Variants in RASA3 observed in about 807,000 individuals in gnomAD.
The protein encoded by RASA3 is ras GTPase-activating protein 3.
RASA3 carries 73 observed loss-of-function variants against 110.0 expected under a neutral mutation model. That is an observed-to-expected ratio of 0.66 (90% CI 0.55 to 0.81). RASA3 has a LOEUF of 0.81. Among genes scored for constraint, RASA3 ranks in the 30% least tolerant of loss-of-function variants. The pLI is 0.00. For synonymous variants in RASA3, 500 were observed against 451.4 expected (o/e 1.11, Z -1.37); for missense variants, 976 against 1,113.2 (o/e 0.88, Z 1.75).
rs1178514160 is a variant in RASA3 at position 114,054,438 on chromosome 13, CCCAGGTGGGAGGGGCCCAGAGT to C, written c.174-2305_174-2284del. On this transcript the variant is annotated intron_variant, in intron 2 of 23. Transcript: ENST00000334062. Reference sequence around the variant, plus strand: ...GGCGGGCGACTGTTGCTGCCCGGAGCCCAGGTGGGAGGGGCCCAGAGTCCAGGTGGGAGGGGCCCAGAGTCCA... The same window carrying C: ...GGCGGGCGACTGTTGCTGCCCGGAGCCCAGGTGGGAGGGGCCCAGAGTCCA... Among the ~76,000 whole-genome samples, 96 of 151,976 alleles carry C rather than the reference CCCAGGTGGGAGGGGCCCAGAGT, an allele frequency of 6.3e-4. 1 individual carries two copies. Among genetic ancestry groups the C allele is most frequent in the Middle Eastern group, 3.4e-3 (1 of 294 alleles).
chr13:114,005,371 T>G (rs937697949), intron 18 of RASA3, among the ~76,000 whole-genome samples: 1 of 151,806 alleles, frequency 6.6e-6, no homozygotes, highest in Non-Finnish European at 1.5e-5. Context: ...GTAAGGAAGG[T>G]TGATGGGCTC....
At chr13:114,102,800 C>T (rs983131706) in intron 1 of RASA3, among the ~76,000 whole-genome samples, 5 of 152,314 alleles carry the variant, frequency 3.3e-5, no homozygotes, top group East Asian at 1.9e-4. Flanking sequence ...CTGGGGAGGG[C>T]GGCAAAGCCT....
In RASA3 at chr13:114,041,111, GAA is replaced by G. The variant is rs2054396356; in HGVS notation, c.278-19_278-18del. On this transcript the variant is annotated intron_variant, in intron 3 of 23. Coordinates refer to ENST00000334062, the MANE Select transcript of RASA3 (RefSeq NM_007368.4). The stretch of plus-strand genomic sequence containing the variant: ...CCACCTTCCCTGCAACACAAGCAGA[GAA>G]GACTTCACCACGGGCACAGGCCCCA... 6.2e-7 allele frequency: 1 copy of G among 1,611,198 alleles called. No homozygotes were observed. The highest frequency in any genetic ancestry group is 2.2e-5 in the East Asian group (1 of 44,894).
At chr13:113,989,610 C>T (rs1275350032) in intron 22 of RASA3, among the ~76,000 whole-genome samples, 1 of 150,290 alleles carries the variant, frequency 6.7e-6, no homozygotes, top group African/African-American at 2.5e-5. Flanking sequence ...ATCCTCTCAT[C>T]ACTCACCCTG....
intron 3 of RASA3, among the ~76,000 whole-genome samples, chr13:114,042,108 G>A (rs1474753331): frequency 6.6e-6 from 1 of 152,250 alleles, no homozygotes; most frequent in Non-Finnish European, 1.5e-5. Flanking sequence ...ATTCGCATCT[G>A]CAACCATTAT....
Position 114,056,065 on chromosome 13 carries a change from G to C in RASA3, c.174-3910C>G, listed in dbSNP as rs575628656. On this transcript the variant is annotated intron_variant, in intron 2 of 23. Coordinates refer to ENST00000334062, the MANE Select transcript of RASA3 (RefSeq NM_007368.4). The surrounding 1 kb of genome is among the most constrained non-coding windows in gnomAD (Gnocchi z 5.7). ...GCAACCCAGGCCTCGGGGTTCACCT[G>C]GCGCGTCACCGTTTCCCGAGAGCCC... Among the ~76,000 whole-genome samples, 3 of 152,186 alleles carry C rather than the reference G, an allele frequency of 2.0e-5. No individual in the cohort carries two copies. The highest frequency in any genetic ancestry group is 4.8e-5 in the African/African-American group (2 of 41,450).
chr13:114,018,675 C>G, intron 10 of RASA3, 88 bp downstream of exon 10: 1 of 1,495,414 alleles, frequency 6.7e-7, no homozygotes, highest in Middle Eastern at 2.1e-4. Flanking sequence ...GGAGAAGGTG[C>G]CCTCTGGGGT....
At chr13:114,012,938 T>G (rs2053672346) in intron 15 of RASA3, among the ~76,000 whole-genome samples, 1 of 109,030 alleles carries the variant, frequency 9.2e-6, no homozygotes, top group Non-Finnish European at 2.0e-5. Flanking sequence ...ACACTCCTCA[T>G]TCCACAAACA....
At position 114,096,104 on chromosome 13, in the gene RASA3, G is replaced by A. The variant is rs536247487; in HGVS notation, c.56-22267C>T. Among the ~76,000 whole-genome samples, 6 of 152,240 alleles carry A rather than the reference G, an allele frequency of 3.9e-5. No individual in the cohort carries two copies. The highest frequency in any genetic ancestry group is 5.9e-5 in the Non-Finnish European group (4 of 68,008). The stretch of plus-strand genomic sequence containing the variant: ...CTCTCCAGGTGGCCCTGGCGGCATC[G>A]GTGTGCTGGGAAGGGGGTGCTCTCT... On this transcript the variant is annotated intron_variant, in intron 1 of 23. Coordinates refer to ENST00000334062, the MANE Select transcript of RASA3 (RefSeq NM_007368.4). The surrounding 1 kb of genome is among the most constrained non-coding windows in gnomAD (Gnocchi z 5.1).
intron 2 of RASA3, among the ~76,000 whole-genome samples, chr13:114,069,473 C>G (rs1156937863): frequency 9.7e-5 from 5 of 51,738 alleles, no homozygotes; most frequent in Admixed American, 2.8e-4. Flanking sequence ...CTGGGAGACT[C>G]GGGGGCCGGG....
At chr13:114,127,087 T>C (rs1297293844) in intron 1 of RASA3, among the ~76,000 whole-genome samples, 2 of 152,242 alleles carry the variant, frequency 1.3e-5, no homozygotes, top group East Asian at 1.9e-4. Flanking sequence ...CACACGTCTA[T>C]GTTTAAAACA....
At chr13:114,078,916 A>C (rs1184093703) in intron 1 of RASA3, among the ~76,000 whole-genome samples, 5 of 152,188 alleles carry the variant, frequency 3.3e-5, no homozygotes, top group Non-Finnish European at 5.9e-5. Flanking sequence ...ACCCAGGAGG[A>C]GCTGTGAGGG....
intron 1 of RASA3, among the ~76,000 whole-genome samples, chr13:114,098,325 G>A (rs2079972144): frequency 6.6e-6 from 1 of 152,192 alleles, no homozygotes; most frequent in African/African-American, 2.4e-5. Flanking sequence ...AGGCAACAGG[G>A]ACCCAGGTGC....
intron 1 of RASA3, among the ~76,000 whole-genome samples, chr13:114,104,904 T>C (rs1176228561): frequency 8.1e-6 from 1 of 123,378 alleles, no homozygotes; most frequent in East Asian, 2.8e-4. Context: ...CCCACACACG[T>C]TCGCCCCCTC....
rs2079944707 is a variant in RASA3 at position 114,096,359 on chromosome 13, T to TGCAGGTTCCC, written c.56-22523_56-22522insGGGAACCTGC. Among the ~76,000 whole-genome samples the TGCAGGTTCCC allele has an allele frequency of 6.6e-6, 1 of 152,108 alleles. No individual in the cohort carries two copies. ...CTCTCACAGTCACCTCAACAGCATCTCAGCCGTTGTCCGACACTGGGTGAT... is the reference window on the plus strand; with the variant it reads ...CTCTCACAGTCACCTCAACAGCATCTGCAGGTTCCCCAGCCGTTGTCCGACACTGGGTGAT... On this transcript the variant is annotated intron_variant, in intron 1 of 23. Transcript: ENST00000334062. The surrounding 1 kb of genome is among the most constrained non-coding windows in gnomAD (Gnocchi z 5.1).
chr13:114,012,577 CCCCATTCCA>C (rs2053659129), intron 15 of RASA3, among the ~76,000 whole-genome samples: 1 of 146,560 alleles, frequency 6.8e-6, no homozygotes. Flanking sequence ...CACACACACT[CCCCATTCCA>C]CACACACTCC....
chr13:114,105,793 A>G (rs1269649176), intron 1 of RASA3, among the ~76,000 whole-genome samples: 1 of 152,240 alleles, frequency 6.6e-6, no homozygotes, highest in African/African-American at 2.4e-5. Flanking sequence ...ATCTTTGAAA[A>G]ATATTTTTAA....
chr13:114,038,353 G>A (rs949519607), intron 4 of RASA3, among the ~76,000 whole-genome samples: 1 of 152,264 alleles, frequency 6.6e-6, no homozygotes, highest in East Asian at 1.9e-4. Context: ...CAGCACGCTG[G>A]GGCCCTTGTG....
Position 113,981,904 on chromosome 13 carries a change from C to T in RASA3, c.2246-46G>A, listed in dbSNP as rs370322674. 4.2e-4 allele frequency: 661 copies of T among 1,568,814 alleles called. 8 individuals carry two copies. In the South Asian group the frequency reaches 5.4e-3, roughly 13 times the overall value. Reference sequence around the variant, plus strand: ...AGCGCAGGGCAGGAGCCCAGGCCACCGGCCCCGTCTCCACACAGCTGCGTC... The same window carrying T: ...AGCGCAGGGCAGGAGCCCAGGCCACTGGCCCCGTCTCCACACAGCTGCGTC... On this transcript the variant is annotated intron_variant, in intron 22 of 23. Transcript: ENST00000334062.
Sources: allele counts gnomAD v4.1 joint callset (sites outside exome capture counted in the v4.1 genomes callset), GRCh38; gene constraint gnomAD v4.1.1; non-coding constraint Gnocchi (gnomAD v3.1); transcripts MANE v1.5; gene names NCBI Gene and HGNC (gene_info 2026-07-23, HGNC 2026-07-21).